The following VPS35L variants were observed in gnomAD, a reference collection of about 807,000 sequenced individuals.
VPS35L encodes VPS35 endosomal protein-sorting factor-like.
In VPS35L, 83 loss-of-function variants were observed where a neutral mutation model predicts 133.0. The observed-to-expected ratio is 0.62, with a 90% CI of 0.52 to 0.75. VPS35L has a LOEUF of 0.75. Among genes scored for constraint, VPS35L ranks in the 30% least tolerant of loss-of-function variants. The pLI is 0.00. For missense variants in VPS35L, 1,083 were observed against 1,206.8 expected (o/e 0.90, Z 1.52); for synonymous variants, 423 against 449.9 (o/e 0.94, Z 0.76).
intron 4 of VPS35L, among the ~76,000 whole-genome samples, chr16:19,573,634 C>T (rs1390177525): frequency 6.6e-6 from 1 of 152,034 alleles, no homozygotes; most frequent in Non-Finnish European, 1.5e-5. Flanking sequence ...GCCTGGCCAA[C>T]ATAGTGAAAC....
intron 26 of VPS35L, among the ~76,000 whole-genome samples, chr16:19,654,123 C>A (rs1200435076): frequency 1.3e-5 from 2 of 152,072 alleles, no homozygotes; most frequent in African/African-American, 4.8e-5. Flanking sequence ...TGATCTTTCC[C>A]CAGATAGTTG....
chr16:19,570,660 C>T (rs67973727), intron 3 of VPS35L, among the ~76,000 whole-genome samples: 26,743 of 151,012 alleles, frequency 0.18, 2,651 homozygotes, highest in African/African-American at 0.26. Flanking sequence ...AGGCATTTTT[C>T]CGGAGTGCGT....
At chr16:19,561,737 T>C (rs978178330) in intron 1 of VPS35L, among the ~76,000 whole-genome samples, 1 of 152,180 alleles carries the variant, frequency 6.6e-6, no homozygotes, top group Non-Finnish European at 1.5e-5. Flanking sequence ...ACAAGAATTG[T>C]CCCGTGTGCC....
rs1453449044 is a variant in VPS35L at position 19,666,924 on chromosome 16, CTTT to C, written c.2222-2235_2222-2233del. ...TCTTTCTTTCTTTCTTTCTTTCTTTCTTTCTTTCTTCCTTTCTTCCTTTCTTCC... is the reference window on the plus strand; with the variant it reads ...TCTTTCTTTCTTTCTTTCTTTCTTTCCTTTCTTCCTTTCTTCCTTTCTTCC... On this transcript the variant is annotated intron_variant, in intron 26 of 30. Coordinates refer to ENST00000417362, the MANE Select transcript of VPS35L (RefSeq NM_020314.7). Among the ~76,000 whole-genome samples the C allele has an allele frequency of 7.1e-3, 826 of 116,832 alleles. 7 individuals carry two copies. The highest frequency in any genetic ancestry group is 0.029 in the Admixed American group (314 of 10,758). 76.6% of individuals were successfully genotyped at this position (116,832 alleles called of 152,430 possible). A position where few individuals can be genotyped will look rare whatever the true frequency, so the allele number is the denominator to read the frequency against.
chr16:19,613,027 G>C (rs142818194), intron 12 of VPS35L, among the ~76,000 whole-genome samples: 1 of 152,084 alleles, frequency 6.6e-6, no homozygotes, highest in Non-Finnish European at 1.5e-5. Flanking sequence ...GAGACCAAGC[G>C]CGGTGGCTCA....
chr16:19,603,773 C>G (rs1317847161), intron 9 of VPS35L, among the ~76,000 whole-genome samples: 1 of 152,142 alleles, frequency 6.6e-6, no homozygotes, highest in African/African-American at 2.4e-5. Context: ...CTCTTGTTGC[C>G]CAGGCTGGAG....
At chr16:19,673,362 G>C (rs112664216) in intron 27 of VPS35L, among the ~76,000 whole-genome samples, 2 of 152,150 alleles carry the variant, frequency 1.3e-5, no homozygotes, top group African/African-American at 4.8e-5. Flanking sequence ...CGCATCCTGC[G>C]ACCTGGCCAG....
intron 14 of VPS35L, chr16:19,617,235 A>G (rs1380495733): frequency 1.3e-5 from 5 of 387,308 alleles, no homozygotes; most frequent in South Asian, 6.0e-5. Context: ...ATATATGCCT[A>G]TAGTCCCAGC....
At chr16:19,694,243 A>G (rs1483297316) in intron 29 of VPS35L, 1 of 152,342 alleles carries the variant, frequency 6.6e-6, no homozygotes, top group South Asian at 2.1e-4. Flanking sequence ...TAAATGTTGC[A>G]TATCTGAGGC....
Position 19,556,176 on chromosome 16 carries a change from C to T in VPS35L, c.17+430C>T, listed in dbSNP as rs1951675025. ...TGTTCACCTGGAGACTTGCTTTTCT[C>T]ATCTGTAAAATGGCCGCCATTCATC... On this transcript the variant is annotated intron_variant, in intron 1 of 30. Transcript: ENST00000417362. Among the ~76,000 whole-genome samples the T allele has an allele frequency of 2.0e-5, 3 of 152,188 alleles. No homozygotes were observed. The South Asian group carries it at 6.2e-4, about 31-fold the overall frequency.
chr16:19,613,392 A>C (rs192193098), intron 12 of VPS35L, among the ~76,000 whole-genome samples: 2 of 152,330 alleles, frequency 1.3e-5, no homozygotes, highest in Admixed American at 1.3e-4. Context: ...TTTAAGCAAA[A>C]GTAAGAACTT....
intron 27 of VPS35L, among the ~76,000 whole-genome samples, chr16:19,674,574 C>T (rs1010616918): frequency 1.0e-4 from 15 of 147,040 alleles, no homozygotes; most frequent in Non-Finnish European, 1.5e-4. Flanking sequence ...TGTATTGGGG[C>T]GAGAACACTT....
At chr16:19,680,850 C>T (rs536690769) in intron 27 of VPS35L, among the ~76,000 whole-genome samples, 11 of 151,980 alleles carry the variant, frequency 7.2e-5, no homozygotes, top group South Asian at 4.2e-4. Flanking sequence ...AAGGCTCCAG[C>T]GAGCTGTGAT....
In VPS35L at chr16:19,568,983, C is replaced by CA. The variant is rs570992024; in HGVS notation, c.118-432dup. Among the ~76,000 whole-genome samples the CA allele has an allele frequency of 2.7e-5, 4 of 149,582 alleles. No individual in the cohort carries two copies. The East Asian group carries it at 5.9e-4, about 22-fold the overall frequency. ...TTATGAGGTGTTCAAGGGAGAAAGG[C>CA]AAAAAAAAAGTACCTGGTTAAAGTA... is the stretch of plus-strand genomic sequence containing the variant. On this transcript the variant is annotated intron_variant, in intron 2 of 30. Transcript: ENST00000417362.
intron 29 of VPS35L, among the ~76,000 whole-genome samples, chr16:19,694,690 G>C (rs1379860669): frequency 6.6e-6 from 1 of 151,894 alleles, no homozygotes; most frequent in East Asian, 1.9e-4. Flanking sequence ...GGTCTCTCTG[G>C]GTTGCCCAGG....
chr16:19,676,432 G>A (rs553004728), intron 27 of VPS35L, among the ~76,000 whole-genome samples: 219 of 152,294 alleles, frequency 1.4e-3, no homozygotes, highest in African/African-American at 5.0e-3. Context: ...ATCAGTAGTC[G>A]TCAGCCTAGT....
intron 3 of VPS35L, among the ~76,000 whole-genome samples, chr16:19,570,997 C>A (rs1029619178): frequency 6.6e-6 from 1 of 150,842 alleles, no homozygotes; most frequent in African/African-American, 2.4e-5. Flanking sequence ...CCTCAGCCTT[C>A]CGAGTGGCTG....
intron 24 of VPS35L, among the ~76,000 whole-genome samples, chr16:19,650,007 T>C (rs1239734467): frequency 6.6e-6 from 1 of 152,216 alleles, no homozygotes; most frequent in Non-Finnish European, 1.5e-5. Context: ...ATTGTCTAAA[T>C]GGTGTGCTTT....
At chr16:19,629,650 T>A in intron 17 of VPS35L, 117 bp from the exon 18 acceptor site, 2 of 773,598 alleles carry the variant, frequency 2.6e-6, no homozygotes. Flanking sequence ...AAGCCAGTAA[T>A]TAGCAAAAGG....
Sources: gnomAD v4.1 joint callset for allele counts (sites outside exome capture counted in the v4.1 genomes callset) on GRCh38, gnomAD v4.1.1 for gene constraint, MANE v1.5 for transcripts, NCBI Gene and HGNC (gene_info 2026-07-23, HGNC 2026-07-21) for gene names.